The following IMMP1L variants were observed in gnomAD, a reference collection of about 807,000 sequenced individuals.
IMMP1L encodes the protein inner mitochondrial membrane peptidase subunit 1.
A neutral mutation model predicts 21.8 loss-of-function variants in IMMP1L; 24 were observed. That is an observed-to-expected ratio of 1.10 (90% CI 0.80 to 1.55). IMMP1L has a LOEUF of 1.55. Ranked by LOEUF, IMMP1L falls within the 40% of genes most tolerant of loss-of-function variation. The pLI is 0.00. For missense variants in IMMP1L, 195 were observed against 200.7 expected, an observed-to-expected ratio of 0.97 and a Z score of 0.17; for synonymous variants, 46 against 62.8, an observed-to-expected ratio of 0.73 and a Z score of 1.26.
chr11:31,434,645 C>T (rs1183715737), intron 4 of IMMP1L, among the ~76,000 whole-genome samples: 1 of 151,752 alleles, frequency 6.6e-6, no homozygotes, highest in African/African-American at 2.4e-5. Context: ...TAAATGTATA[C>T]AAGAATGTAA....
chr11:31,456,095 T>A (rs1453881971), intron 4 of IMMP1L, among the ~76,000 whole-genome samples, 165 bp downstream of exon 4: 1 of 152,226 alleles, frequency 6.6e-6, no homozygotes, highest in African/African-American at 2.4e-5. Context: ...CTAAAATACA[T>A]GAAATATAAC....
At chr11:31,489,143 T>G (rs902997842) in intron 1 of IMMP1L, among the ~76,000 whole-genome samples, 27 of 152,052 alleles carry the variant, frequency 1.8e-4, no homozygotes, top group African/African-American at 6.3e-4. Context: ...GTGATCCGCC[T>G]GCCTCAGCCT....
At chr11:31,443,689 G>A (rs1209981888) in intron 4 of IMMP1L, among the ~76,000 whole-genome samples, 1 of 152,016 alleles carries the variant, frequency 6.6e-6, no homozygotes, top group Non-Finnish European at 1.5e-5. Flanking sequence ...ATTTCTATAC[G>A]GTCCTGCTTC....
intron 4 of IMMP1L, among the ~76,000 whole-genome samples, chr11:31,450,913 C>A (rs976711158): frequency 6.6e-6 from 1 of 151,952 alleles, no homozygotes; most frequent in Non-Finnish European, 1.5e-5. Flanking sequence ...AAATCAACTG[C>A]GATTAAAATG....
At chr11:31,440,974 C>A (rs1953306312) in intron 4 of IMMP1L, among the ~76,000 whole-genome samples, 1 of 152,022 alleles carries the variant, frequency 6.6e-6, no homozygotes. Flanking sequence ...AATAGAATAT[C>A]TTTCTTTTAT....
chr11:31,436,444 G>A (rs945971331), intron 4 of IMMP1L, among the ~76,000 whole-genome samples: 12 of 152,114 alleles, frequency 7.9e-5, no homozygotes, highest in Middle Eastern at 3.4e-3. Flanking sequence ...AGTAATTTTT[G>A]TTTTTTGAGA....
At chr11:31,479,953 T>C (rs1954839266) in intron 1 of IMMP1L, among the ~76,000 whole-genome samples, 1 of 151,968 alleles carries the variant, frequency 6.6e-6, no homozygotes, top group Non-Finnish European at 1.5e-5. Flanking sequence ...AGTTTAAGGA[T>C]GGTGGTGAAA....
At chr11:31,499,290 G>A (rs1339647211) in intron 1 of IMMP1L, among the ~76,000 whole-genome samples, 5 of 152,192 alleles carry the variant, frequency 3.3e-5, no homozygotes, top group Non-Finnish European at 5.9e-5. Context: ...GCGTGAACCC[G>A]GGACGCGGAG....
At chr11:31,468,302 G>C (rs1358815829) in intron 1 of IMMP1L, among the ~76,000 whole-genome samples, 5 of 152,096 alleles carry the variant, frequency 3.3e-5, no homozygotes, top group Admixed American at 3.3e-4. Flanking sequence ...GAATTATTTT[G>C]AGAAAAATGC....
At chr11:31,503,127 C>A (rs2133833094) in intron 1 of IMMP1L, among the ~76,000 whole-genome samples, 1 of 152,196 alleles carries the variant, frequency 6.6e-6, no homozygotes, top group African/African-American at 2.4e-5. Flanking sequence ...TCCTAGCATC[C>A]AATATAATTC....
At chr11:31,462,331 AG>A (rs1346125087) in intron 2 of IMMP1L, among the ~76,000 whole-genome samples, 2 of 147,182 alleles carry the variant, frequency 1.4e-5, no homozygotes, top group Non-Finnish European at 3.0e-5. Flanking sequence ...AAAAAAAAAA[AG>A]AAGGGAAATT....
intron 4 of IMMP1L, among the ~76,000 whole-genome samples, chr11:31,437,796 GT>G (rs1953177134): frequency 6.6e-6 from 1 of 151,992 alleles, no homozygotes; most frequent in South Asian, 2.1e-4. Flanking sequence ...ACTGCTTTCT[GT>G]TACTAGATAG....
At chr11:31,480,744 T>C (rs988284005) in intron 1 of IMMP1L, among the ~76,000 whole-genome samples, 3 of 152,084 alleles carry the variant, frequency 2.0e-5, no homozygotes, top group Non-Finnish European at 2.9e-5. Flanking sequence ...AAGTATCACA[T>C]AGACATTACA....
chr11:31,470,132 G>A (rs1954492010), intron 1 of IMMP1L, among the ~76,000 whole-genome samples: 1 of 152,164 alleles, frequency 6.6e-6, no homozygotes, highest in Non-Finnish European at 1.5e-5. Context: ...TTTGGCAAAT[G>A]GGCTGGGTGC....
Position 31,509,572 on chromosome 11 carries a change from C to G in IMMP1L, c.-83G>C. 3.4e-6 allele frequency: 2 copies of G among 595,732 alleles called. No homozygotes were observed. The highest frequency in any genetic ancestry group is 5.9e-6 in the Non-Finnish European group (2 of 336,244). 36.9% of individuals were successfully genotyped at this position (595,732 alleles called of 1,614,324 possible). On this transcript the variant is annotated 5_prime_UTR_variant, in exon 1 of 6. Coordinates refer to ENST00000532287, the MANE Select transcript of IMMP1L (RefSeq NM_001304274.2). ...TCAACCAGGACACAGGTGGGCCTTTCTCACCTGGGCCCCGCCGAAGTCGAC... is the reference window on the plus strand; with the variant it reads ...TCAACCAGGACACAGGTGGGCCTTTGTCACCTGGGCCCCGCCGAAGTCGAC...
In IMMP1L at chr11:31,463,203, CAAT is replaced by C; in HGVS notation, c.71_73del (p.His24_Cys25delinsArg). ...AACACCACCAACGTATTCAAAAGCA[CAAT>C]GAGCTATACAGCCATATTGAATAGT... On this transcript the variant is annotated inframe_deletion, in exon 2 of 6. Transcript: ENST00000532287. 1 of 1,610,550 alleles carries C rather than the reference CAAT, an allele frequency of 6.2e-7. No homozygotes were observed.
intron 4 of IMMP1L, among the ~76,000 whole-genome samples, chr11:31,437,507 T>TA (rs1272848679): frequency 6.6e-6 from 1 of 152,194 alleles, no homozygotes; most frequent in Non-Finnish European, 1.5e-5. Flanking sequence ...TAAAAAAACA[T>TA]AATGTTTGCA....
Position 31,432,569 on chromosome 11 carries a change from C to G in IMMP1L, c.433-1G>C, listed in dbSNP as rs752027802. On this transcript the variant is annotated splice_acceptor_variant, in intron 5 of 5. Coordinates refer to ENST00000532287, the MANE Select transcript of IMMP1L (RefSeq NM_001304274.2). LOFTEE classifies it high-confidence loss of function. The stretch of plus-strand genomic sequence containing the variant: ...ATCCAAAATCACTCAGAGGCCAAAT[C>G]TGTAAAATCAAAATGAGGTTGAAGA... The G allele has an allele frequency of 3.1e-6, 5 of 1,607,842 alleles. No individual in the cohort carries two copies. Among genetic ancestry groups the G allele is most frequent in the Admixed American group, 1.7e-5 (1 of 59,964 alleles).
At chr11:31,438,211 T>C (rs935036597) in intron 4 of IMMP1L, among the ~76,000 whole-genome samples, 1 of 152,188 alleles carries the variant, frequency 6.6e-6, no homozygotes, top group Non-Finnish European at 1.5e-5. Context: ...CCACAACCTC[T>C]CCAGCACTTG....
Sources: gnomAD v4.1 joint callset for allele counts (sites outside exome capture counted in the v4.1 genomes callset) on GRCh38, gnomAD v4.1.1 for gene constraint, MANE v1.5 for transcripts, NCBI Gene and HGNC (gene_info 2026-07-23, HGNC 2026-07-21) for gene names.